The following CLRN3 variants were observed in gnomAD, a reference collection of about 807,000 sequenced individuals.
CLRN3 encodes clarin 3.
Under a neutral mutation model 16.7 loss-of-function variants are expected in CLRN3, and 12 were observed. That is an observed-to-expected ratio of 0.72 (90% confidence interval 0.46 to 1.16). CLRN3 has a LOEUF of 1.16. CLRN3 is among the 50% of genes most tolerant of loss of function. The pLI, the probability that CLRN3 is intolerant of heterozygous loss-of-function variation, is 0.00. For missense variants in CLRN3, 296 were observed against 274.2 expected (o/e 1.08, Z -0.56); for synonymous variants, 118 against 113.0 (o/e 1.04, Z -0.28).
intron 1 of CLRN3, among the ~76,000 whole-genome samples, chr10:127,885,253 G>A (rs2135081852): frequency 6.6e-6 from 1 of 152,240 alleles, no homozygotes; most frequent in Non-Finnish European, 1.5e-5. Context: ...GGTGCTGTGG[G>A]CACCCATGGG....
At chr10:127,889,993 T>C (rs1845240832) in intron 1 of CLRN3, among the ~76,000 whole-genome samples, 1 of 152,190 alleles carries the variant, frequency 6.6e-6, no homozygotes, top group South Asian at 2.1e-4. Flanking sequence ...CAGACATGCA[T>C]TTCCCCCAAC....
At chr10:127,881,125 C>T (rs1342758488) in intron 2 of CLRN3, among the ~76,000 whole-genome samples, 1 of 152,198 alleles carries the variant, frequency 6.6e-6, no homozygotes, top group African/African-American at 2.4e-5. Context: ...CCCAGGCAGG[C>T]ATCAGAATGC....
intron 2 of CLRN3, among the ~76,000 whole-genome samples, chr10:127,882,644 A>G (rs940412662): frequency 6.6e-6 from 1 of 152,220 alleles, no homozygotes; most frequent in Non-Finnish European, 1.5e-5. Flanking sequence ...ACCTCGTGGT[A>G]AGGATGACAC....
chr10:127,881,907 G>T (rs1845132984), intron 2 of CLRN3, among the ~76,000 whole-genome samples: 2 of 152,312 alleles, frequency 1.3e-5, no homozygotes, highest in Non-Finnish European at 2.9e-5. Context: ...CACGACACAG[G>T]CCGAGACCTT....
chr10:127,886,112 A>G (rs1374030785), intron 1 of CLRN3, among the ~76,000 whole-genome samples: 1 of 152,062 alleles, frequency 6.6e-6, no homozygotes, highest in Non-Finnish European at 1.5e-5. Flanking sequence ...CTGGTCTCCA[A>G]TTCCTAAGCT....
rs549229019 is a variant in CLRN3 at position 127,883,700 on chromosome 10, G to A, written c.405C>T (p.Leu135=). The A allele has an allele frequency of 1.9e-5, 30 of 1,611,164 alleles. No homozygotes were observed. In the East Asian group the frequency reaches 2.5e-4, roughly 13 times the overall value. ...GPTGVYTWNG[L]GASFVFVTMI... ...GAGTCTCACAGGGCCACTCACCACCGAGCCCGTTCCAGGTGTACACCCCCG... is the reference window on the plus strand; with the variant it reads ...GAGTCTCACAGGGCCACTCACCACCAAGCCCGTTCCAGGTGTACACCCCCG... The change falls in exon 2 of 3, where the codon CTC becomes CTT. Residue 135 remains leucine, a synonymous_variant. Coordinates refer to ENST00000368671, the MANE Select transcript of CLRN3 (RefSeq NM_152311.5).
chr10:127,886,014 C>G (rs1223315536), intron 1 of CLRN3, among the ~76,000 whole-genome samples: 1 of 152,132 alleles, frequency 6.6e-6, no homozygotes, highest in East Asian at 1.9e-4. Context: ...CTTGGCCTAC[C>G]AAAGTGCTGG....
intron 2 of CLRN3, among the ~76,000 whole-genome samples, chr10:127,880,967 A>G (rs1845121126): frequency 6.6e-6 from 1 of 152,142 alleles, no homozygotes; most frequent in African/African-American, 2.4e-5. Flanking sequence ...TGAGAGTTTC[A>G]GTAAGTTCTC....
intron 2 of CLRN3, 122 bp downstream of exon 2, chr10:127,883,574 T>G (rs1366391137): frequency 8.2e-6 from 6 of 732,656 alleles, no homozygotes; most frequent in African/African-American, 5.2e-5. Flanking sequence ...TCATGGGAGG[T>G]CCTCATAGTT....
rs1326547005 is a variant in CLRN3, at chr10:127,878,290, C to A, written c.540G>T (p.Ser180=). ...SKGTTHSYGY[S]FWLILLVILL... ...GAATGACGAGCAGTATGAGCCAGAA[C>A]GAGTATCCGTAACTGTGGGTCGTTC... The change falls in exon 3 of 3, where the codon TCG becomes TCT. Residue 180 remains serine, a synonymous_variant. Coordinates refer to ENST00000368671, the MANE Select transcript of CLRN3 (RefSeq NM_152311.5). The A allele has an allele frequency of 1.2e-6, 2 of 1,614,152 alleles. No homozygotes were observed. The highest frequency in any genetic ancestry group is 1.1e-5 in the South Asian group (1 of 91,074).
At chr10:127,879,079 T>A (rs911056584) in intron 2 of CLRN3, among the ~76,000 whole-genome samples, 1 of 152,204 alleles carries the variant, frequency 6.6e-6, no homozygotes, top group Non-Finnish European at 1.5e-5. Flanking sequence ...TTCCCTTTTT[T>A]ATTCTTCACA....
rs1006728065 is a variant in CLRN3 at position 127,877,860 on chromosome 10, C to T, written c.*289G>A. The T allele has an allele frequency of 8.4e-6, 3 of 355,662 alleles. No individual in the cohort carries two copies. The Admixed American group carries it at 1.3e-4, about 15-fold the overall frequency. 22.0% of individuals were successfully genotyped at this position (355,662 alleles called of 1,614,324 possible). ...CTCAAAGAAAAGAAACATGACACAG[C>T]CTTTTATTATTTCAGATCGTGAGAC... On this transcript the variant is annotated 3_prime_UTR_variant, in exon 3 of 3. Transcript: ENST00000368671.
intron 1 of CLRN3, among the ~76,000 whole-genome samples, chr10:127,890,148 T>C (rs1006882905): frequency 6.6e-6 from 1 of 152,256 alleles, no homozygotes; most frequent in Non-Finnish European, 1.5e-5. Context: ...TTCAGTATCC[T>C]GAGCCCCTTA....
In CLRN3 at chr10:127,883,871, T is replaced by A; in HGVS notation, c.234A>T (p.Leu78Phe). The A allele has an allele frequency of 6.2e-7, 1 of 1,614,078 alleles. No individual in the cohort carries two copies. The highest frequency in any genetic ancestry group is 8.5e-7 in the Non-Finnish European group (1 of 1,179,904). ...LAEPKKKFAVLEILNNSSQKT... is the reference protein window; with the variant it reads ...LAEPKKKFAVFEILNNSSQKT... ...TTTGGGAAGAATTATTCAGTATCTC[T>A]AAAACTAAAACAATGTTTTGTGAGT... Residue 78 changes from leucine to phenylalanine, a missense_variant, in exon 2 of 3, where the codon TTA (leucine) becomes TTT (phenylalanine). Coordinates refer to ENST00000368671, the MANE Select transcript of CLRN3 (RefSeq NM_152311.5).
intron 1 of CLRN3, among the ~76,000 whole-genome samples, chr10:127,890,457 T>C (rs1845245996): frequency 6.6e-6 from 1 of 152,162 alleles, no homozygotes; most frequent in Admixed American, 6.5e-5. Context: ...CTATTTCGTT[T>C]CAAATCTACA....
intron 2 of CLRN3, among the ~76,000 whole-genome samples, chr10:127,879,849 G>A (rs34888032): frequency 0.46 from 69,703 of 152,034 alleles, 18,877 homozygotes; most frequent in Non-Finnish European, 0.58. Context: ...TGATGAGGCC[G>A]GTGAGCAGGC....
Position 127,878,198 on chromosome 10 carries a change from T to C in CLRN3, c.632A>G (p.Glu211Gly). Residue 211 changes from glutamate (E) to glycine (G), a missense_variant, in exon 3 of 3, where the codon GAG (glutamate) becomes GGG (glycine). Coordinates refer to ENST00000368671, the MANE Select transcript of CLRN3 (RefSeq NM_152311.5). ...AGCATATTCCATTGGCTTTCTCTGCTCCTGCTTCCGCTGGTATCTGGCCTT... is the reference window on the plus strand; with the variant it reads ...AGCATATTCCATTGGCTTTCTCTGCCCCTGCTTCCGCTGGTATCTGGCCTT... ...YQKARYQRKQEQRKPMEYAPR... is the reference protein window; with the variant it reads ...YQKARYQRKQGQRKPMEYAPR... 6.2e-7 allele frequency: 1 copy of C among 1,614,160 alleles called. No individual in the cohort carries two copies. Among genetic ancestry groups the C allele is most frequent in the South Asian group, 1.1e-5 (1 of 91,086 alleles).
At chr10:127,883,948 T>G in intron 1 of CLRN3, 73 bp from the exon 2 acceptor site, 3 of 1,380,380 alleles carry the variant, frequency 2.2e-6, no homozygotes, top group Non-Finnish European at 3.1e-6. Flanking sequence ...CTCCCCACCC[T>G]ACCCTCTTAG....
rs769754237 is a variant in CLRN3, at chr10:127,878,241, T to C, written c.589A>G (p.Ile197Val). 1.2e-6 allele frequency: 2 copies of C among 1,614,096 alleles called. No individual in the cohort carries two copies. Among genetic ancestry groups the C allele is most frequent in the African/African-American group, 1.3e-5 (1 of 74,922 alleles). The change falls in exon 3 of 3, where the codon ATC (isoleucine) becomes GTC (valine). Residue 197 changes from isoleucine (I) to valine (V), a missense_variant. Transcript: ENST00000368671. ...VILLNIVTVT[I>V]IIFYQKARYQ... ...CTGGCCTTCTGGTAGAAAATGATGATGGTTACAGTGACTATATTTAGAAGA... is the reference window on the plus strand; with the variant it reads ...CTGGCCTTCTGGTAGAAAATGATGACGGTTACAGTGACTATATTTAGAAGA...
Sources: gnomAD v4.1 joint callset for allele counts (sites outside exome capture counted in the v4.1 genomes callset) on GRCh38, gnomAD v4.1.1 for gene constraint, MANE v1.5 for transcripts, NCBI Gene and HGNC (gene_info 2026-07-23, HGNC 2026-07-21) for gene names.